The following ANO6 variants were observed in gnomAD, a reference collection of about 807,000 sequenced individuals.
The protein encoded by ANO6 is anoctamin-6.
In ANO6, 106 loss-of-function variants were observed where a neutral mutation model predicts 117.5. The observed-to-expected ratio is 0.90, with a 90% confidence interval of 0.77 to 1.06. The LOEUF is 1.06. ANO6 is among the 50% of genes least tolerant of loss of function. The pLI, the probability that ANO6 is intolerant of heterozygous loss-of-function variation, is 0.00. For missense variants in ANO6, 955 were observed against 1,121.1 expected, an observed-to-expected ratio of 0.85 and a Z score of 2.12; for synonymous variants, 367 against 385.1, an observed-to-expected ratio of 0.95 and a Z score of 0.55.
intron 17 of ANO6, among the ~76,000 whole-genome samples, chr12:45,418,713 C>T (rs184017044): frequency 6.6e-6 from 1 of 152,282 alleles, no homozygotes; most frequent in East Asian, 1.9e-4. Flanking sequence ...GGAGGATTGG[C>T]TGTTTCCAAG....
intron 2 of ANO6, among the ~76,000 whole-genome samples, chr12:45,315,928 C>A (rs181673227): frequency 6.6e-6 from 1 of 152,048 alleles, no homozygotes; most frequent in African/African-American, 2.4e-5. Flanking sequence ...CTTCTCATCT[C>A]CATTGCTAAC....
intron 19 of ANO6, among the ~76,000 whole-genome samples, chr12:45,438,368 G>T (rs1223185378): frequency 6.6e-6 from 1 of 152,002 alleles, no homozygotes; most frequent in Non-Finnish European, 1.5e-5. Context: ...AAGGACATGT[G>T]ATCAGCAATA....
At chr12:45,409,816 T>C (rs1426133084) in intron 16 of ANO6, among the ~76,000 whole-genome samples, 1 of 152,100 alleles carries the variant, frequency 6.6e-6, no homozygotes, top group East Asian at 1.9e-4. Context: ...AGTGTGGTGG[T>C]ACAATCGTGG....
intron 1 of ANO6, among the ~76,000 whole-genome samples, chr12:45,268,080 A>G (rs1470550821): frequency 6.6e-6 from 1 of 152,222 alleles, no homozygotes; most frequent in Non-Finnish European, 1.5e-5. Flanking sequence ...AGATATCTCT[A>G]TATCTGCACA....
intron 15 of ANO6, among the ~76,000 whole-genome samples, chr12:45,403,753 A>G (rs1163812599): frequency 6.6e-6 from 1 of 152,184 alleles, no homozygotes; most frequent in Non-Finnish European, 1.5e-5. Flanking sequence ...AACCTTCATT[A>G]TATTTAATGT....
chr12:45,277,327 A>T (rs1938586790), intron 1 of ANO6, among the ~76,000 whole-genome samples: 1 of 152,238 alleles, frequency 6.6e-6, no homozygotes, highest in East Asian at 1.9e-4. Context: ...TCATATAGTT[A>T]TGAATAATTC....
At chr12:45,301,438 GA>G (rs546954097) in intron 1 of ANO6, among the ~76,000 whole-genome samples, 137 of 149,412 alleles carry the variant, frequency 9.2e-4, no homozygotes, top group Middle Eastern at 3.5e-3. Flanking sequence ...CTCTACAAAA[GA>G]AAAAAAAATG....
chr12:45,370,976 A>ACAGTGGGCGCAGGT (rs1260011281), intron 9 of ANO6, among the ~76,000 whole-genome samples: 2 of 152,202 alleles, frequency 1.3e-5, no homozygotes, highest in African/African-American at 2.4e-5. Context: ...GGAGTGCCAG[A>ACAGTGGGCGCAGGT]CAGTGGGCGC....
At chr12:45,260,940 A>G (rs1565651109) in intron 1 of ANO6, among the ~76,000 whole-genome samples, 1 of 151,764 alleles carries the variant, frequency 6.6e-6, no homozygotes, top group African/African-American at 2.4e-5. Context: ...AGCATGTGCC[A>G]CCGCAACCGG....
At chr12:45,251,157 C>G (rs1200625067) in intron 1 of ANO6, among the ~76,000 whole-genome samples, 1 of 152,070 alleles carries the variant, frequency 6.6e-6, no homozygotes, top group African/African-American at 2.4e-5. Context: ...TTTGAAAGAA[C>G]AGAGCTGGGA....
intron 2 of ANO6, among the ~76,000 whole-genome samples, chr12:45,310,238 C>CA (rs1939806212): frequency 6.6e-6 from 1 of 152,072 alleles, no homozygotes; most frequent in African/African-American, 2.4e-5. Flanking sequence ...CCCAGAGAAA[C>CA]AGTCATAAAT....
chr12:45,266,905 A>G (rs1416680403), intron 1 of ANO6, among the ~76,000 whole-genome samples: 1 of 151,900 alleles, frequency 6.6e-6, no homozygotes, highest in Non-Finnish European at 1.5e-5. Context: ...TGGGAAACCC[A>G]TTCAGGTCCC....
At chr12:45,238,193 C>A (rs1320833738) in intron 1 of ANO6, among the ~76,000 whole-genome samples, 3 of 150,048 alleles carry the variant, frequency 2.0e-5, no homozygotes, top group Non-Finnish European at 4.4e-5. Context: ...CTCTGTCGCC[C>A]AGGCTGGAGT....
chr12:45,353,146 C>G (rs1205982356), intron 7 of ANO6, among the ~76,000 whole-genome samples: 3 of 151,758 alleles, frequency 2.0e-5, no homozygotes, highest in Admixed American at 2.0e-4. Context: ...ATATAATGTT[C>G]AGTTGTCTCT....
chr12:45,373,428 A>C (rs1441049742), intron 9 of ANO6, among the ~76,000 whole-genome samples: 1 of 152,068 alleles, frequency 6.6e-6, no homozygotes, highest in Non-Finnish European at 1.5e-5. Context: ...GCACCACACC[A>C]CACCTATTCC....
chr12:45,387,805 A>G (rs1185103554), intron 10 of ANO6, among the ~76,000 whole-genome samples: 1 of 152,164 alleles, frequency 6.6e-6, no homozygotes, highest in African/African-American at 2.4e-5. Context: ...TGATTGGATC[A>G]TGGGGTTGGA....
At chr12:45,378,445 G>A (rs1278100716) in intron 10 of ANO6, among the ~76,000 whole-genome samples, 3 of 152,090 alleles carry the variant, frequency 2.0e-5, no homozygotes, top group South Asian at 4.2e-4. Flanking sequence ...CTTGCAACTA[G>A]AAACCCGGTT....
intron 12 of ANO6, among the ~76,000 whole-genome samples, chr12:45,401,142 C>T (rs1185825589): frequency 1.3e-5 from 2 of 152,172 alleles, no homozygotes; most frequent in Admixed American, 1.3e-4. Flanking sequence ...GTGTGTGAAG[C>T]TTTTATCAGC....
At chr12:45,296,562 C>G (rs1394498117) in intron 1 of ANO6, among the ~76,000 whole-genome samples, 1 of 151,786 alleles carries the variant, frequency 6.6e-6, no homozygotes, top group African/African-American at 2.4e-5. Context: ...TCTGTTATAT[C>G]TCTATCTGGC....
Sources: gnomAD v4.1 joint callset for allele counts (sites outside exome capture counted in the v4.1 genomes callset) on GRCh38, gnomAD v4.1.1 for gene constraint, MANE v1.5 for transcripts, NCBI Gene and HGNC (gene_info 2026-07-23, HGNC 2026-07-21) for gene names.